CYP3A7: variants seen among roughly 807,000 people sequenced by gnomAD.
CYP3A7 encodes the protein cytochrome P450 3A7.
CYP3A7 carries 45 observed loss-of-function variants against 55.2 expected under a neutral mutation model. That is an observed-to-expected ratio of 0.82 (90% CI 0.64 to 1.05). The LOEUF (loss-of-function observed/expected upper bound fraction) is 1.05. CYP3A7 is among the 50% of genes least tolerant of loss of function. CYP3A7 has a pLI of 0.00. For synonymous variants in CYP3A7, 180 were observed against 207.4 expected (o/e 0.87, Z 1.13); for missense variants, 548 against 605.3 (o/e 0.91, Z 0.99).
chr7:99,706,200 C>A (rs1038267881), intron 12 of CYP3A7, among the ~76,000 whole-genome samples: 1 of 152,176 alleles, frequency 6.6e-6, no homozygotes, highest in Non-Finnish European at 1.5e-5. Flanking sequence ...AGTGTTTTGA[C>A]TCAACTTTTC....
chr7:99,712,209 C>T (rs751068149), intron 9 of CYP3A7, among the ~76,000 whole-genome samples: 36 of 152,144 alleles, frequency 2.4e-4, no homozygotes, highest in Non-Finnish European at 4.9e-4. Context: ...CCATGTAACT[C>T]ACCACCAAAA....
In CYP3A7 at chr7:99,735,018, C is replaced by G. The variant is rs769066669; in HGVS notation, c.71+5G>C. On this transcript the variant is annotated splice_donor_5th_base_variant and intron_variant, in intron 1 of 12. Transcript: ENST00000336374. ...CAGAGAAGAGGAGCCTGAACAGTTA[C>G]TCACAGATAGAGGAGTATCAGGCTG... The G allele has an allele frequency of 1.2e-6, 2 of 1,614,094 alleles. No homozygotes were observed. The highest frequency in any genetic ancestry group is 1.1e-5 in the South Asian group (1 of 91,084).
intron 4 of CYP3A7, among the ~76,000 whole-genome samples, chr7:99,718,537 C>G (rs541418400): frequency 3.4e-4 from 51 of 152,180 alleles, no homozygotes; most frequent in African/African-American, 1.2e-3. Flanking sequence ...GAAAATTCCT[C>G]CATTTGATAA....
intron 6 of CYP3A7, among the ~76,000 whole-genome samples, chr7:99,716,908 G>A (rs557674225): frequency 1.3e-5 from 2 of 152,168 alleles, no homozygotes; most frequent in South Asian, 4.1e-4. Context: ...CCTAAAGGAT[G>A]TATTTAGTCC....
intron 2 of CYP3A7, among the ~76,000 whole-genome samples, chr7:99,723,453 C>T (rs1161858716): frequency 6.6e-6 from 1 of 152,154 alleles, no homozygotes; most frequent in Non-Finnish European, 1.5e-5. Context: ...TAAAACTGAC[C>T]CACCCCTATC....
At chr7:99,718,450 C>T (rs1326419668) in intron 4 of CYP3A7, among the ~76,000 whole-genome samples, 1 of 152,166 alleles carries the variant, frequency 6.6e-6, no homozygotes, top group African/African-American at 2.4e-5. Context: ...TCTCTTTCAT[C>T]TTCCACAGCC....
chr7:99,731,247 A>G (rs1207563321), intron 1 of CYP3A7, 95 bp from the exon 2 acceptor site: 3 of 1,408,266 alleles, frequency 2.1e-6, no homozygotes, highest in Admixed American at 1.8e-5. Context: ...ATGATCAGGC[A>G]AAGGAGGTAA....
intron 4 of CYP3A7, among the ~76,000 whole-genome samples, chr7:99,719,594 C>T (rs1189131892): frequency 3.5e-5 from 2 of 56,964 alleles, no homozygotes; most frequent in East Asian, 8.1e-4. Context: ...AAAGCACAAT[C>T]CATAAAAAAA....
intron 4 of CYP3A7, among the ~76,000 whole-genome samples, chr7:99,719,408 T>A (rs1814094999): frequency 6.6e-6 from 1 of 152,144 alleles, no homozygotes; most frequent in Non-Finnish European, 1.5e-5. Context: ...TTGGAACAAC[T>A]GGACAACTAC....
Position 99,707,881 on chromosome 7 carries a change from G to C in CYP3A7, c.1347C>G (p.Leu449=), listed in dbSNP as rs750157853. 1.9e-6 allele frequency: 3 copies of C among 1,614,032 alleles called. No homozygotes were observed. The highest frequency in any genetic ancestry group is 2.5e-6 in the Non-Finnish European group (3 of 1,179,920). ...PRNCIGMRFA[L]VNMKLALVRV... Reference sequence around the variant, plus strand: ...TGACTAGAGCAAGTTTCATGTTCACGAGAGCAAACCTCATGCCAATGCAGT... The same window carrying C: ...TGACTAGAGCAAGTTTCATGTTCACCAGAGCAAACCTCATGCCAATGCAGT... Residue 449 remains leucine (L), a synonymous_variant, in exon 12 of 13, where the codon CTC becomes CTG. Transcript: ENST00000336374.
intron 7 of CYP3A7, 47 bp from the exon 8 acceptor site, chr7:99,714,729 CA>C (rs763654185): frequency 1.9e-6 from 3 of 1,595,700 alleles, no homozygotes; most frequent in South Asian, 1.1e-5. Flanking sequence ...TGTGAACATA[CA>C]AAATTTACCT....
intron 11 of CYP3A7, among the ~76,000 whole-genome samples, chr7:99,708,308 G>T (rs1480768252): frequency 6.6e-6 from 1 of 152,194 alleles, no homozygotes; most frequent in Non-Finnish European, 1.5e-5. Context: ...ATGACTGACA[G>T]AAAAGTAGAT....
At position 99,715,586 on chromosome 7, in the gene CYP3A7, A is replaced by G. The variant is rs36038596; in HGVS notation, c.670+172T>C. 1.2e-3 allele frequency: 1,416 copies of G among 1,182,696 alleles called. 3 individuals carry two copies. Among genetic ancestry groups the G allele is most frequent in the Non-Finnish European group, 1.3e-3 (1,122 of 843,640 alleles). The allele number at this position is 1,182,696 out of a possible 1,614,324, so 73.3% of individuals were successfully genotyped here. A position where few individuals can be genotyped will look rare whatever the true frequency, so the allele number is the denominator to read the frequency against. ...GCTAAACATGTATGAGGTTTCTAGA[A>G]TGACAGAAGTGTTTTAAAGTTTACA... is the stretch of plus-strand genomic sequence containing the variant. On this transcript the variant is annotated intron_variant, in intron 7 of 12. Transcript: ENST00000336374.
At position 99,718,131 on chromosome 7, in the gene CYP3A7, G is replaced by A. The variant is rs1026223523; in HGVS notation, c.319-492C>T. Among the ~76,000 whole-genome samples the A allele has an allele frequency of 1.1e-4, 16 of 152,078 alleles. 2 individuals carry two copies. Among genetic ancestry groups the A allele is most frequent in the Admixed American group, 9.2e-4 (14 of 15,264 alleles). ...ACACTGGGGCCTGTTGTGGGGTGGG[G>A]AGAGGGGGGAAGGATAGCATTAGGA... On this transcript the variant is annotated intron_variant, in intron 4 of 12. Transcript: ENST00000336374.
Position 99,709,150 on chromosome 7 carries a change from C to A in CYP3A7, c.1138G>T (p.Asp380Tyr). 3.1e-6 allele frequency: 5 copies of A among 1,613,966 alleles called. No individual in the cohort carries two copies. The highest frequency in any genetic ancestry group is 3.4e-6 in the Non-Finnish European group (4 of 1,179,924). Residue 380 changes from aspartate to tyrosine, a missense_variant, in exon 11 of 13, where the codon GAT becomes TAT. Transcript: ENST00000336374. ...ATAAACATCCCATTGATTTCAACAT[C>A]TTTTTTGCAGACCCTCTCAAGTCTC... The part of the protein sequence containing the change: ...AMRLERVCKK[D>Y]VEINGMFIPK...
rs552050117 is a variant in CYP3A7, at chr7:99,708,633, A to T, written c.1253+402T>A. Reference sequence around the variant, plus strand: ...GCTTTCTTTGTCTATCTGTTGCACTAACCTATAAATTCTTTGAAGATTAGA... The same window carrying T: ...GCTTTCTTTGTCTATCTGTTGCACTTACCTATAAATTCTTTGAAGATTAGA... On this transcript the variant is annotated intron_variant, in intron 11 of 12. Transcript: ENST00000336374. Among the ~76,000 whole-genome samples the T allele has an allele frequency of 1.6e-4, 24 of 152,324 alleles. No individual in the cohort carries two copies. The South Asian group carries it at 5.0e-3, about 32-fold the overall frequency.
chr7:99,710,383 A>T (rs1813704273), intron 10 of CYP3A7, among the ~76,000 whole-genome samples: 1 of 152,218 alleles, frequency 6.6e-6, no homozygotes, highest in Non-Finnish European at 1.5e-5. Flanking sequence ...GATCACAGCC[A>T]GACCAGAGCA....
At chr7:99,723,583 C>T (rs1419899283) in intron 2 of CYP3A7, among the ~76,000 whole-genome samples, 1 of 152,134 alleles carries the variant, frequency 6.6e-6, no homozygotes, top group Non-Finnish European at 1.5e-5. Flanking sequence ...ACATTTGGTG[C>T]CAAAGACCTG....
rs1814237118 is a variant in CYP3A7, at chr7:99,722,351, G to A, written c.166-3C>T. 6.2e-7 allele frequency: 1 copy of A among 1,613,370 alleles called. No homozygotes were observed. The highest frequency in any genetic ancestry group is 8.5e-7 in the Non-Finnish European group (1 of 1,179,614). On this transcript the variant is annotated splice_polypyrimidine_tract_variant and splice_region_variant and intron_variant, in intron 2 of 12. Coordinates refer to ENST00000336374, the MANE Select transcript of CYP3A7 (RefSeq NM_000765.5). ...TCCATGTCAAACGTCCAATAGCCCT[G>A]GGAGGAGAAACAAAATAATATTTCA...
Sources: gnomAD v4.1 joint callset for allele counts (sites outside exome capture counted in the v4.1 genomes callset) on GRCh38, gnomAD v4.1.1 for gene constraint, MANE v1.5 for transcripts, NCBI Gene and HGNC (gene_info 2026-07-23, HGNC 2026-07-21) for gene names.